Variants in PTPRD observed in about 807,000 individuals in gnomAD.
PTPRD encodes the protein receptor-type tyrosine-protein phosphatase delta.
PTPRD carries 34 observed loss-of-function variants against 214.5 expected under a neutral mutation model. The ratio of observed to expected loss-of-function variants is 0.16; its 90% CI spans 0.12 to 0.21. The LOEUF is 0.21. Among genes scored for constraint, PTPRD ranks in the 10% least tolerant of loss-of-function variants. The pLI is 1.00. For synonymous variants in PTPRD, 1,128 were observed against 845.7 expected (o/e 1.33, Z -5.79); for missense variants, 2,545 against 2,398.7 (o/e 1.06, Z -1.27).
chr9:10,403,979 C>T (rs1025717821), intron 2 of PTPRD, among the ~76,000 whole-genome samples: 1 of 151,560 alleles, frequency 6.6e-6, no homozygotes, highest in African/African-American at 2.4e-5. Flanking sequence ...GAGAGTGAAT[C>T]CTAATGGAAA....
At chr9:9,464,018 C>T (rs1289519842) in intron 8 of PTPRD, among the ~76,000 whole-genome samples, 1 of 152,166 alleles carries the variant, frequency 6.6e-6, no homozygotes, top group Non-Finnish European at 1.5e-5. Context: ...CTCCCTAATT[C>T]CTGTTTTCTC....
Position 8,485,845 on chromosome 9 carries a change from T to G in PTPRD, c.2972A>C (p.Asp991Ala). The G allele has an allele frequency of 1.2e-6, 2 of 1,614,132 alleles. No individual in the cohort carries two copies. The highest frequency in any genetic ancestry group is 1.7e-6 in the Non-Finnish European group (2 of 1,180,016). Residue 991 changes from aspartate (D) to alanine (A), a missense_variant, in exon 28 of 46, where the codon GAT becomes GCT. Transcript: ENST00000381196. ...LTGLKPDTTYDVKVRAHTSKG... is the reference protein window; with the variant it reads ...LTGLKPDTTYAVKVRAHTSKG... ...GCTCGTATGAGCACGTACTTTTACA[T>G]CGTATGTGGTATCTGGTTTTAAGCC... is the stretch of plus-strand genomic sequence containing the variant.
In PTPRD at chr9:10,077,403, G is replaced by A. The variant is rs144906897; in HGVS notation, c.-544-43613C>T. 8.7e-3 allele frequency among the ~76,000 whole-genome samples: 1,319 copies of A among 152,204 alleles called. 7 individuals carry two copies. The highest frequency in any genetic ancestry group is 0.014 in the Non-Finnish European group (962 of 68,004). On this transcript the variant is annotated intron_variant, in intron 3 of 45. Transcript: ENST00000381196. ...ATTCACTTGTGAAGCTTTTAGAAATGTACTTTTCAAATTTACCTCTAGAGA... is the reference window on the plus strand; with the variant it reads ...ATTCACTTGTGAAGCTTTTAGAAATATACTTTTCAAATTTACCTCTAGAGA...
At chr9:8,448,740 G>A (rs77061734) in intron 34 of PTPRD, among the ~76,000 whole-genome samples, 8,075 of 152,156 alleles carry the variant, frequency 0.053, 235 homozygotes, top group East Asian at 0.09. Flanking sequence ...AAAATATGCT[G>A]AACATAATAA....
intron 11 of PTPRD, among the ~76,000 whole-genome samples, chr9:8,916,852 T>C (rs574102566): frequency 1.3e-5 from 2 of 152,196 alleles, no homozygotes; most frequent in African/African-American, 2.4e-5. Flanking sequence ...CAAGAAATAT[T>C]TACATATATC....
At chr9:8,508,219 C>G (rs1484897602) in intron 21 of PTPRD, among the ~76,000 whole-genome samples, 1 of 152,190 alleles carries the variant, frequency 6.6e-6, no homozygotes, top group Non-Finnish European at 1.5e-5. Context: ...GTCATCTATT[C>G]AACAGACAAT....
At chr9:8,369,018 C>T (rs1019006365) in intron 39 of PTPRD, among the ~76,000 whole-genome samples, 9 of 152,044 alleles carry the variant, frequency 5.9e-5, no homozygotes, top group African/African-American at 1.4e-4. Context: ...TCTCCTATTC[C>T]GTAATTTACA....
intron 2 of PTPRD, among the ~76,000 whole-genome samples, chr9:10,407,993 T>A (rs4741031): frequency 6.6e-6 from 1 of 151,294 alleles, no homozygotes; most frequent in African/African-American, 2.4e-5. Flanking sequence ...ACATGTAAGA[T>A]CTTATATGTT....
chr9:9,921,946 G>C (rs539963628), intron 5 of PTPRD, among the ~76,000 whole-genome samples: 1 of 152,180 alleles, frequency 6.6e-6, no homozygotes, highest in South Asian at 2.1e-4. Flanking sequence ...GGCAAAGCTA[G>C]TATTCAAGTC....
intron 4 of PTPRD, among the ~76,000 whole-genome samples, chr9:9,998,610 A>G (rs892214688): frequency 1.3e-5 from 2 of 152,116 alleles, no homozygotes; most frequent in African/African-American, 4.8e-5. Context: ...TTAGCTGTTT[A>G]CACTCAACAT....
chr9:8,462,365 G>C (rs2096435998), intron 32 of PTPRD, among the ~76,000 whole-genome samples: 1 of 151,852 alleles, frequency 6.6e-6, no homozygotes, highest in African/African-American at 2.4e-5. Context: ...CCTTACTTAT[G>C]TGCTCCTAAC....
chr9:9,276,867 C>T lies in PTPRD; in HGVS notation c.-202-93504G>A, dbSNP rs116113710. Among the ~76,000 whole-genome samples the T allele has an allele frequency of 9.0e-3, 1,357 of 151,454 alleles. 27 individuals are homozygous for T. Among genetic ancestry groups the T allele is most frequent in the African/African-American group, 0.031 (1,279 of 41,432 alleles). On this transcript the variant is annotated intron_variant, in intron 9 of 45. Transcript: ENST00000381196. ...TATTGCCATCATAAACAAAGAGAGG[C>T]CATTTGCCTCTTGATGTGTCGTGCT...
chr9:9,503,390 G>A lies in PTPRD; in HGVS notation c.-237+71342C>T, dbSNP rs147571738. ...ATAACAAAGTGACTCACATTTTTTA[G>A]TGTCTTTATGAAATAAGATCTGTTT... On this transcript the variant is annotated intron_variant, in intron 8 of 45. Coordinates refer to ENST00000381196, the MANE Select transcript of PTPRD (RefSeq NM_002839.4). Among the ~76,000 whole-genome samples, 8 of 151,458 alleles carry A rather than the reference G, an allele frequency of 5.3e-5. No homozygotes were observed. The East Asian group carries it at 9.7e-4, about 18-fold the overall frequency.
chr9:9,212,113 A>C (rs2099949167), intron 9 of PTPRD, among the ~76,000 whole-genome samples: 1 of 152,196 alleles, frequency 6.6e-6, no homozygotes, highest in Non-Finnish European at 1.5e-5. Context: ...TTGTATGGGC[A>C]ATACCCACCA....
At chr9:9,487,762 A>G (rs114772885) in intron 8 of PTPRD, among the ~76,000 whole-genome samples, 63 of 152,218 alleles carry the variant, frequency 4.1e-4, no homozygotes, top group African/African-American at 1.5e-3. Context: ...ATTCTTTACA[A>G]TATATACACT....
intron 11 of PTPRD, among the ~76,000 whole-genome samples, chr9:8,761,382 C>T (rs2094403864): frequency 6.6e-6 from 1 of 152,130 alleles, no homozygotes; most frequent in African/African-American, 2.4e-5. Flanking sequence ...TGAAAGACTT[C>T]TGTCTTTTTC....
At chr9:8,966,416 A>G (rs2083261283) in intron 11 of PTPRD, among the ~76,000 whole-genome samples, 1 of 151,954 alleles carries the variant, frequency 6.6e-6, no homozygotes, top group African/African-American at 2.4e-5. Flanking sequence ...AGACCAGTGG[A>G]AGAGAAAAAA....
At chr9:8,850,215 C>T (rs1176441733) in intron 11 of PTPRD, among the ~76,000 whole-genome samples, 1 of 152,012 alleles carries the variant, frequency 6.6e-6, no homozygotes, top group Non-Finnish European at 1.5e-5. Flanking sequence ...TAGAAATGCA[C>T]GTCTGGAACT....
chr9:10,129,999 T>C (rs961391327), intron 3 of PTPRD, among the ~76,000 whole-genome samples: 1 of 151,994 alleles, frequency 6.6e-6, no homozygotes, highest in African/African-American at 2.4e-5. Context: ...GCAAATAATA[T>C]TGCTGAAAAT....
Sources: allele counts gnomAD v4.1 joint callset (sites outside exome capture counted in the v4.1 genomes callset), GRCh38; gene constraint gnomAD v4.1.1; transcripts MANE v1.5; gene names NCBI Gene and HGNC (gene_info 2026-07-23, HGNC 2026-07-21).